The following LYST variants were observed in gnomAD, a reference collection of about 807,000 sequenced individuals.
LYST encodes the protein lysosomal-trafficking regulator.
Under a neutral mutation model 413.6 loss-of-function variants are expected in LYST, and 192 were observed. That is an observed-to-expected ratio of 0.46 (90% CI 0.41 to 0.52). The LOEUF (loss-of-function observed/expected upper bound fraction) is 0.52. Ranked by LOEUF, LYST falls within the 20% of genes least tolerant of loss-of-function variation. LYST has a pLI of 0.00. For synonymous variants in LYST, 1,525 were observed against 1,567.3 expected, an observed-to-expected ratio of 0.97 and a Z score of 0.64; for missense variants, 3,815 against 4,499.9, an observed-to-expected ratio of 0.85 and a Z score of 4.35.
intron 1 of LYST, among the ~76,000 whole-genome samples, chr1:235,857,515 G>A (rs2103134526): frequency 6.6e-6 from 1 of 152,084 alleles, no homozygotes; most frequent in East Asian, 1.9e-4. Context: ...GATCATCAAA[G>A]GAAAGCACAA....
chr1:235,750,722 A>C (rs887707124), intron 28 of LYST, among the ~76,000 whole-genome samples: 1 of 152,186 alleles, frequency 6.6e-6, no homozygotes, highest in African/African-American at 2.4e-5. Context: ...TTAATATCTG[A>C]ATGCACTGTT....
At position 235,709,239 on chromosome 1, in the gene LYST, T is replaced by C. The variant is rs1662215111; in HGVS notation, c.9995A>G (p.Asn3332Ser). Residue 3332 changes from asparagine (N) to serine (S), a missense_variant, in exon 44 of 53, where the codon AAT becomes AGT. By Grantham distance (46) the Asn-to-Ser change is conservative (BLOSUM62 1). Around this residue, in one of 4 missense-constraint regions of LYST, gnomAD observed 866 missense variants for 1,156.0 expected, o/e 0.75. Coordinates refer to ENST00000389793, the MANE Select transcript of LYST (RefSeq NM_000081.4). ...GATGAGGATAAAAAGACGAGGATCA[T>C]TACGCGCCCAAGGGGGAAGGTTGAC... ...NHVNLPPWAR[N>S]DPRLFILIHR... 6.2e-7 allele frequency: 1 copy of C among 1,614,124 alleles called. No individual in the cohort carries two copies. Among genetic ancestry groups the C allele is most frequent in the South Asian group, 1.1e-5 (1 of 91,084 alleles).
rs187097098 is a variant in LYST at position 235,674,480 on chromosome 1, G to A, written c.11038+2611C>T. 6.6e-6 allele frequency among the ~76,000 whole-genome samples: 1 copy of A among 152,006 alleles called. No individual in the cohort carries two copies. The highest frequency in any genetic ancestry group is 1.5e-5 in the Non-Finnish European group (1 of 68,012). ...TAAATGCTATCAAAGTTCCACAAGA[G>A]GTGCTAAATGAATTTAAAGCCAGGA... is the stretch of plus-strand genomic sequence containing the variant. On this transcript the variant is annotated intron_variant, in intron 50 of 52. Transcript: ENST00000389793. This position sits in a 1 kb window ranked among gnomAD's most constrained non-coding sequence, Gnocchi z 4.1.
chr1:235,720,487 G>A (rs1035392671), intron 40 of LYST, among the ~76,000 whole-genome samples, 174 bp downstream of exon 40: 2 of 152,132 alleles, frequency 1.3e-5, no homozygotes, highest in Non-Finnish European at 2.9e-5. Flanking sequence ...GTTAATGTAA[G>A]TTTGGCAAAA....
chr1:235,851,753 G>A (rs561672694), intron 1 of LYST, among the ~76,000 whole-genome samples: 30 of 151,802 alleles, frequency 2.0e-4, no homozygotes, highest in Non-Finnish European at 4.1e-4. Flanking sequence ...CACTAAATAG[G>A]GGAAATTAAA....
chr1:235,751,409 AT>A (rs1666486838), intron 27 of LYST, 47 bp from the exon 28 acceptor site: 3 of 1,515,170 alleles, frequency 2.0e-6, no homozygotes, highest in Non-Finnish European at 2.7e-6. Context: ...GTGGTTACTA[AT>A]TTTTTAATTG....
intron 41 of LYST, among the ~76,000 whole-genome samples, chr1:235,715,906 T>C (rs1662800915): frequency 6.6e-6 from 1 of 152,116 alleles, no homozygotes; most frequent in South Asian, 2.1e-4. Flanking sequence ...TCACTACTCC[T>C]ATCTTCCCAT....
At position 235,788,757 on chromosome 1, in the gene LYST, G is replaced by A. The variant is rs373930104; in HGVS notation, c.4632C>T (p.Ser1544=). 3.2e-5 allele frequency: 51 copies of A among 1,613,196 alleles called. No individual in the cohort carries two copies. Among genetic ancestry groups the A allele is most frequent in the East Asian group, 1.6e-4 (7 of 44,798 alleles). The change falls in exon 13 of 53, where the codon TCC becomes TCT. Residue 1544 remains serine (S), a synonymous_variant. Transcript: ENST00000389793. Reference sequence around the variant, plus strand: ...CCCACACTTGGATCATCAACGCTTTGGATCCCAGTGAAATTATATGAATAC... The same window carrying A: ...CCCACACTTGGATCATCAACGCTTTAGATCCCAGTGAAATTATATGAATAC... The part of the protein sequence containing the change: ...EGCIHIISLG[S]KALMIQVWAD...
intron 1 of LYST, among the ~76,000 whole-genome samples, chr1:235,842,599 G>A (rs939729175): frequency 6.6e-6 from 1 of 152,188 alleles, no homozygotes; most frequent in Non-Finnish European, 1.5e-5. Context: ...CTCATTTGCC[G>A]AATGAATGGC....
intron 31 of LYST, among the ~76,000 whole-genome samples, chr1:235,739,295 G>A (rs1351712469): frequency 6.6e-6 from 1 of 152,158 alleles, no homozygotes; most frequent in Non-Finnish European, 1.5e-5. Context: ...AGGCACCACT[G>A]CCAATGCTGC....
At chr1:235,729,815 T>A (rs557872136) in intron 36 of LYST, among the ~76,000 whole-genome samples, 158 bp from the exon 37 acceptor site, 3 of 152,274 alleles carry the variant, frequency 2.0e-5, no homozygotes, top group African/African-American at 7.2e-5. Flanking sequence ...AAATATTAGC[T>A]CCTTTTTAGC....
intron 36 of LYST, among the ~76,000 whole-genome samples, chr1:235,730,533 G>C (rs182676743): frequency 6.7e-6 from 1 of 149,180 alleles, no homozygotes; most frequent in Non-Finnish European, 1.5e-5. Flanking sequence ...ATATATATAT[G>C]TACCCATATA....
At chr1:235,782,991 C>CA (rs1670023180) in intron 14 of LYST, among the ~76,000 whole-genome samples, 1 of 152,112 alleles carries the variant, frequency 6.6e-6, no homozygotes, top group Admixed American at 6.5e-5. Flanking sequence ...CTGGAAAAGG[C>CA]AAAATAAGGC....
chr1:235,813,056 C>T lies in LYST; in HGVS notation c.198G>A (p.Leu66=), dbSNP rs769239361. The change falls in exon 4 of 53, where the codon TTG becomes TTA. Residue 66 remains leucine, a synonymous_variant. Transcript: ENST00000389793. ...GAGTCAGGAGTTCTTCTCTACATGT[C>T]AATGCCTATGTCAGTAACAAAAGAA... is the stretch of plus-strand genomic sequence containing the variant. The part of the protein sequence containing the change: ...TKLNSIIDQA[L]TCREELLTLL... 2 of 1,572,532 alleles carry T rather than the reference C, an allele frequency of 1.3e-6. No individual in the cohort carries two copies. The highest frequency in any genetic ancestry group is 1.7e-5 in the Admixed American group (1 of 59,936).
At chr1:235,793,845 T>C (rs1432502409) in intron 10 of LYST, among the ~76,000 whole-genome samples, 1 of 152,160 alleles carries the variant, frequency 6.6e-6, no homozygotes, top group Non-Finnish European at 1.5e-5. Flanking sequence ...ATTATTATTA[T>C]TATTTTAGAC....
At chr1:235,786,584 A>G (rs1426889906) in intron 14 of LYST, among the ~76,000 whole-genome samples, 3 of 152,194 alleles carry the variant, frequency 2.0e-5, no homozygotes, top group Non-Finnish European at 4.4e-5. Context: ...ATACTGCTAT[A>G]AAGACACATG....
At chr1:235,880,844 G>A (rs549828475) in intron 1 of LYST, among the ~76,000 whole-genome samples, 88 of 152,254 alleles carry the variant, frequency 5.8e-4, no homozygotes, top group African/African-American at 2.0e-3. Flanking sequence ...TCCATTTAGC[G>A]GCCGGGCACG....
upstream of LYST, among the ~76,000 whole-genome samples, chr1:235,869,220 C>T (rs536385322): frequency 1.3e-5 from 2 of 152,298 alleles, no homozygotes; most frequent in Non-Finnish European, 2.9e-5. Flanking sequence ...CGCCTGTAAT[C>T]CCAGCACTTT....
intron 1 of LYST, among the ~76,000 whole-genome samples, chr1:235,856,416 C>T (rs888991150): frequency 1.3e-5 from 2 of 152,134 alleles, no homozygotes. Context: ...AGGTGCTTAA[C>T]CTTTCTGATG....
Sources: gnomAD v4.1 joint callset for allele counts (sites outside exome capture counted in the v4.1 genomes callset) on GRCh38, gnomAD v4.1.1 for gene constraint, gnomAD v4.1.1 regional missense constraint, Gnocchi (gnomAD v3.1) non-coding constraint, MANE v1.5 for transcripts, NCBI Gene and HGNC (gene_info 2026-07-23, HGNC 2026-07-21) for gene names.